GRHL2: variants seen among roughly 807,000 people sequenced by gnomAD.
GRHL2 encodes grainyhead-like protein 2 homolog.
GRHL2 carries 21 observed loss-of-function variants against 83.8 expected under a neutral mutation model. The observed-to-expected ratio is 0.25, with a 90% CI of 0.18 to 0.36. GRHL2 has a LOEUF of 0.36. Ranked by LOEUF, GRHL2 falls within the 10% of genes least tolerant of loss-of-function variation. The pLI, the probability that GRHL2 is intolerant of heterozygous loss-of-function variation, is 1.00. For missense variants in GRHL2, 623 were observed against 781.8 expected (o/e 0.80, Z 2.42); for synonymous variants, 280 against 278.9 (o/e 1.00, Z -0.04).
chr8:101,542,317 T>C (rs1038224492), intron 1 of GRHL2, among the ~76,000 whole-genome samples: 1 of 152,192 alleles, frequency 6.6e-6, no homozygotes. Context: ...GGCACATGCC[T>C]GTAATCCTTG....
intron 1 of GRHL2, among the ~76,000 whole-genome samples, chr8:101,493,385 C>T (rs1039637849): frequency 6.6e-6 from 1 of 151,806 alleles, no homozygotes; most frequent in Non-Finnish European, 1.5e-5. Flanking sequence ...GGCGCGGGGG[C>T]GGCCGGCGCC....
At chr8:101,649,232 A>C (rs1174719813) in intron 13 of GRHL2, among the ~76,000 whole-genome samples, 182 bp from the exon 14 acceptor site, 1 of 152,210 alleles carries the variant, frequency 6.6e-6, no homozygotes, top group Non-Finnish European at 1.5e-5. Flanking sequence ...GTCCCTAGCC[A>C]CAGGTTGTTT....
At chr8:101,594,774 A>T (rs962293049) in intron 7 of GRHL2, among the ~76,000 whole-genome samples, 4 of 152,236 alleles carry the variant, frequency 2.6e-5, no homozygotes, top group Non-Finnish European at 5.9e-5. Flanking sequence ...CCATTCATTC[A>T]CTCAACAAAC....
chr8:101,652,823 G>C (rs1001271682), intron 14 of GRHL2, among the ~76,000 whole-genome samples: 2 of 152,080 alleles, frequency 1.3e-5, no homozygotes, highest in African/African-American at 4.8e-5. Flanking sequence ...ACAGAGATCT[G>C]AAACTCTGCC....
chr8:101,545,870 A>ATTTTTTTTTTTTTTTTT lies in GRHL2; in HGVS notation c.216+2448_216+2464dup, dbSNP rs1174568425. Among the ~76,000 whole-genome samples the ATTTTTTTTTTTTTTTTT allele has an allele frequency of 2.4e-5, 2 of 83,620 alleles. 1 individual carries two copies. Among genetic ancestry groups the ATTTTTTTTTTTTTTTTT allele is most frequent in the African/African-American group, 9.6e-5 (2 of 20,892 alleles). 54.9% of individuals were successfully genotyped at this position (83,620 alleles called of 152,430 possible). On this transcript the variant is annotated intron_variant, in intron 2 of 15. Coordinates refer to ENST00000646743, the MANE Select transcript of GRHL2 (RefSeq NM_024915.4). Reference sequence around the variant, plus strand: ...GATCATTACAACTTCTCTTTGTAACATTTTTTTTTTTTTTTTTTTTTTTTT... The same window carrying ATTTTTTTTTTTTTTTTT: ...GATCATTACAACTTCTCTTTGTAACATTTTTTTTTTTTTTTTTTTTTTTTTTTTTTTTTTTTTTTTTT...
At chr8:101,545,796 T>A (rs1355881002) in intron 2 of GRHL2, among the ~76,000 whole-genome samples, 1 of 151,494 alleles carries the variant, frequency 6.6e-6, no homozygotes, top group East Asian at 1.9e-4. Flanking sequence ...TGTATTGATC[T>A]TCAAAATCTA....
intron 1 of GRHL2, among the ~76,000 whole-genome samples, chr8:101,537,403 C>T (rs1811065556): frequency 2.0e-5 from 3 of 152,234 alleles, no homozygotes; most frequent in South Asian, 2.1e-4. Context: ...AAGAGAAGAA[C>T]CACCTTAGCA....
intron 3 of GRHL2, among the ~76,000 whole-genome samples, chr8:101,555,471 G>C (rs1339740840): frequency 6.6e-6 from 1 of 152,086 alleles, no homozygotes; most frequent in South Asian, 2.1e-4. Context: ...CTGATTTCAT[G>C]ATGGACTCTT....
At chr8:101,655,104 C>A (rs1024057314) in intron 14 of GRHL2, among the ~76,000 whole-genome samples, 1 of 151,860 alleles carries the variant, frequency 6.6e-6, no homozygotes, top group Non-Finnish European at 1.5e-5. Context: ...ATCCCTTGAA[C>A]CTGGGAGGCG....
chr8:101,644,818 T>G (rs916977721), intron 13 of GRHL2, among the ~76,000 whole-genome samples: 4 of 151,898 alleles, frequency 2.6e-5, no homozygotes, highest in African/African-American at 9.7e-5. Flanking sequence ...ACACTGAGGC[T>G]TCTATAGACC....
At chr8:101,635,285 A>G (rs1192311362) in intron 11 of GRHL2, among the ~76,000 whole-genome samples, 1 of 152,196 alleles carries the variant, frequency 6.6e-6, no homozygotes, top group Non-Finnish European at 1.5e-5. Context: ...TTTGAAAAAC[A>G]TGCTCTAAAA....
At chr8:101,564,431 A>G (rs1372898611) in intron 4 of GRHL2, among the ~76,000 whole-genome samples, 1 of 152,202 alleles carries the variant, frequency 6.6e-6, no homozygotes, top group Non-Finnish European at 1.5e-5. Flanking sequence ...GTGCACGTGC[A>G]TGTGTGCACA....
chr8:101,604,938 A>T (rs1812599396), intron 8 of GRHL2, among the ~76,000 whole-genome samples: 1 of 152,144 alleles, frequency 6.6e-6, no homozygotes, highest in Admixed American at 6.5e-5. Context: ...AAGCAGACTG[A>T]TTACTTTCCT....
intron 7 of GRHL2, among the ~76,000 whole-genome samples, chr8:101,594,164 C>G (rs79052941): frequency 6.7e-6 from 1 of 149,274 alleles, no homozygotes; most frequent in African/African-American, 2.5e-5. Flanking sequence ...AAGACAGAAG[C>G]GGAGATCGGA....
intron 12 of GRHL2, among the ~76,000 whole-genome samples, chr8:101,641,505 A>G (rs1386569386): frequency 6.6e-6 from 1 of 152,158 alleles, no homozygotes; most frequent in Non-Finnish European, 1.5e-5. Flanking sequence ...AGGCTGCAAC[A>G]TTGCCTTTTA....
intron 4 of GRHL2, among the ~76,000 whole-genome samples, chr8:101,559,828 T>A (rs2130182100): frequency 6.6e-6 from 1 of 152,278 alleles, no homozygotes; most frequent in Non-Finnish European, 1.5e-5. Context: ...TTGAAGCTCT[T>A]TGCATTTGAA....
intron 3 of GRHL2, among the ~76,000 whole-genome samples, chr8:101,555,279 AG>A (rs2130165216): frequency 1.3e-5 from 2 of 152,312 alleles, no homozygotes; most frequent in African/African-American, 4.8e-5. Flanking sequence ...CCTAACCTGT[AG>A]GGGCTTATCC....
intron 1 of GRHL2, among the ~76,000 whole-genome samples, chr8:101,517,403 C>T (rs917848567): frequency 7.2e-5 from 11 of 152,162 alleles, no homozygotes; most frequent in Admixed American, 7.2e-4. Context: ...ACCAGTACCC[C>T]CAGGACAACA....
intron 2 of GRHL2, among the ~76,000 whole-genome samples, chr8:101,551,946 T>C (rs946977278): frequency 2.2e-4 from 34 of 151,616 alleles, no homozygotes; most frequent in African/African-American, 3.4e-4. Context: ...CGCCATTCTC[T>C]GGCCTCAGCC....
Sources: allele counts gnomAD v4.1 joint callset (sites outside exome capture counted in the v4.1 genomes callset), GRCh38; gene constraint gnomAD v4.1.1; transcripts MANE v1.5; gene names NCBI Gene and HGNC (gene_info 2026-07-23, HGNC 2026-07-21).